The following FOXP2 variants were observed in gnomAD, a reference collection of about 807,000 sequenced individuals.
FOXP2 encodes forkhead box P2.
Under a neutral mutation model 115.8 loss-of-function variants are expected in FOXP2, and 12 were observed. That is an observed-to-expected ratio of 0.10 (90% CI 0.07 to 0.17). FOXP2 has a LOEUF of 0.17. Ranked by LOEUF, FOXP2 falls within the 10% of genes least tolerant of loss-of-function variation. The pLI is 1.00. For synonymous variants in FOXP2, 328 were observed against 297.7 expected, an observed-to-expected ratio of 1.10 and a Z score of -1.05; for missense variants, 629 against 843.5, an observed-to-expected ratio of 0.75 and a Z score of 3.15.
At chr7:114,686,454 T>G (rs1808369869) in intron 16 of FOXP2, among the ~76,000 whole-genome samples, 1 of 152,140 alleles carries the variant, frequency 6.6e-6, no homozygotes, top group Non-Finnish European at 1.5e-5. Flanking sequence ...ATAACAGGAG[T>G]GAGCCACAGC....
At chr7:114,207,636 CTAAT>C (rs768595832) in intron 1 of FOXP2, among the ~76,000 whole-genome samples, 15 of 152,148 alleles carry the variant, frequency 9.9e-5, no homozygotes, top group Non-Finnish European at 1.9e-4. Flanking sequence ...TATTAATTAA[CTAAT>C]TAATTAATTT....
chr7:114,172,508 T>C (rs1793174530), intron 1 of FOXP2, among the ~76,000 whole-genome samples: 2 of 152,174 alleles, frequency 1.3e-5, no homozygotes, highest in African/African-American at 4.8e-5. Flanking sequence ...CTCTGGACTT[T>C]AGTTAATGGT....
In FOXP2 at chr7:114,304,669, CAAAAAAAAAAAAAAAAA is replaced by C. The variant is rs71157580; in HGVS notation, c.-11+16571_-11+16587del. Reference sequence around the variant, plus strand: ...TAGGTGACAGAGTGAGACTCTGTCTCAAAAAAAAAAAAAAAAAAAAAAAAAAAGAGTGTGCATGTGGA... The same window carrying C: ...TAGGTGACAGAGTGAGACTCTGTCTCAAAAAAAAAAGAGTGTGCATGTGGA... On this transcript the variant is annotated intron_variant, in intron 2 of 17. Coordinates refer to the FOXP2 transcript ENST00000634411. Among the ~76,000 whole-genome samples, 445 of 65,148 alleles carry C rather than the reference CAAAAAAAAAAAAAAAAA, an allele frequency of 6.8e-3. 6 individuals are homozygous for C. Among genetic ancestry groups the C allele is most frequent in the African/African-American group, 0.028 (429 of 15,214 alleles). 42.7% of individuals were successfully genotyped at this position (65,148 alleles called of 152,430 possible).
chr7:114,394,005 T>TGA (rs57281183), intron 2 of FOXP2, among the ~76,000 whole-genome samples: 5 of 91,492 alleles, frequency 5.5e-5, no homozygotes, highest in African/African-American at 1.7e-4. Flanking sequence ...TGTGTGTGTG[T>TGA]GAGAGAGAGA....
chr7:114,611,584 T>C (rs1211837382), intron 3 of FOXP2, among the ~76,000 whole-genome samples: 1 of 152,234 alleles, frequency 6.6e-6, no homozygotes, highest in Non-Finnish European at 1.5e-5. Flanking sequence ...GCTAAATTCA[T>C]AGGACCTAGC....
chr7:114,415,567 C>T (rs1248223876), intron 1 of FOXP2, among the ~76,000 whole-genome samples: 1 of 150,846 alleles, frequency 6.6e-6, no homozygotes, highest in Non-Finnish European at 1.5e-5. Context: ...CTGTCAGTAG[C>T]GTAATGTAGA....
At chr7:114,558,898 TG>T (rs1312624137) in intron 3 of FOXP2, among the ~76,000 whole-genome samples, 4 of 152,218 alleles carry the variant, frequency 2.6e-5, no homozygotes, top group Non-Finnish European at 5.9e-5. Flanking sequence ...TAGTGGTTGG[TG>T]TTCTGTAGTG....
intron 3 of FOXP2, among the ~76,000 whole-genome samples, chr7:114,589,293 GC>G (rs1802321854): frequency 6.6e-6 from 1 of 151,746 alleles, no homozygotes; most frequent in Non-Finnish European, 1.5e-5. Flanking sequence ...ATATGGAGTA[GC>G]CTTATTAATA....
intron 2 of FOXP2, among the ~76,000 whole-genome samples, chr7:114,390,332 A>G (rs2129194101): frequency 6.6e-6 from 1 of 152,230 alleles, no homozygotes; most frequent in African/African-American, 2.4e-5. Context: ...TCTACAGAGT[A>G]AACTGGTGCT....
At chr7:114,518,660 G>A (rs563633723) in intron 2 of FOXP2, among the ~76,000 whole-genome samples, 1 of 152,108 alleles carries the variant, frequency 6.6e-6, no homozygotes, top group African/African-American at 2.4e-5. Context: ...GGGCCACCAT[G>A]CCCAGTTAAA....
intron 2 of FOXP2, among the ~76,000 whole-genome samples, chr7:114,509,625 A>G (rs1407310485): frequency 6.7e-5 from 10 of 150,280 alleles, no homozygotes; most frequent in Non-Finnish European, 8.9e-5. Flanking sequence ...AGTGAATTGA[A>G]AAAGAGCAGA....
intron 1 of FOXP2, among the ~76,000 whole-genome samples, chr7:114,224,065 A>G (rs1330361815): frequency 6.6e-6 from 1 of 152,032 alleles, no homozygotes; most frequent in Admixed American, 6.6e-5. Flanking sequence ...CTAACCAATG[A>G]TTTGGGCACC....
intron 1 of FOXP2, 120 bp from the exon 2 acceptor site, chr7:114,426,381 AG>A (rs1323844840): frequency 1.2e-6 from 1 of 869,520 alleles, no homozygotes; most frequent in Non-Finnish European, 1.9e-6. Context: ...TGACTATTCA[AG>A]GCTTTTTTCT....
At chr7:114,560,351 A>T (rs1218123418) in intron 3 of FOXP2, among the ~76,000 whole-genome samples, 1 of 152,196 alleles carries the variant, frequency 6.6e-6, no homozygotes, top group East Asian at 1.9e-4. Flanking sequence ...CACACCTGTA[A>T]TCCCAGCACT....
At chr7:114,361,945 A>C (rs1791754924) in intron 2 of FOXP2, among the ~76,000 whole-genome samples, 1 of 152,060 alleles carries the variant, frequency 6.6e-6, no homozygotes, top group Admixed American at 6.6e-5. Flanking sequence ...AAGATTCGCT[A>C]TAGGAACAAT....
chr7:114,674,683 C>T (rs996583358), intron 16 of FOXP2, among the ~76,000 whole-genome samples: 1 of 152,014 alleles, frequency 6.6e-6, no homozygotes, highest in Admixed American at 6.5e-5. Flanking sequence ...TTAAGAACAT[C>T]TTTTTTCATT....
intron 1 of FOXP2, among the ~76,000 whole-genome samples, chr7:114,271,761 T>C (rs1479791887): frequency 1.7e-5 from 2 of 118,494 alleles, no homozygotes; most frequent in African/African-American, 3.5e-5. Context: ...AAATATATAT[T>C]ATTTAATATA....
intron 2 of FOXP2, among the ~76,000 whole-genome samples, chr7:114,365,140 T>C (rs1320017630): frequency 1.3e-5 from 2 of 152,166 alleles, no homozygotes. Flanking sequence ...GCATGACTTA[T>C]ATTTAAAAAT....
In FOXP2 at chr7:114,129,374, C is replaced by T. The variant is rs75927684; in HGVS notation, c.-246-33570C>T. Among the ~76,000 whole-genome samples, 197 of 152,212 alleles carry T rather than the reference C, an allele frequency of 1.3e-3. 2 individuals carry two copies. The highest frequency in any genetic ancestry group is 4.5e-3 in the African/African-American group (185 of 41,524). On this transcript the variant is annotated intron_variant, in intron 1 of 19. Coordinates refer to the FOXP2 transcript ENST00000635638. ...CACAATTTGTATCAACTTGTTTGTGCATCCTTTCCATAATCACACACATTG... is the reference window on the plus strand; with the variant it reads ...CACAATTTGTATCAACTTGTTTGTGTATCCTTTCCATAATCACACACATTG...
Sources: allele counts gnomAD v4.1 joint callset (sites outside exome capture counted in the v4.1 genomes callset), GRCh38; gene constraint gnomAD v4.1.1; transcripts MANE v1.5; gene names NCBI Gene and HGNC (gene_info 2026-07-23, HGNC 2026-07-21).